CASP9: variants seen among roughly 807,000 people sequenced by gnomAD.
CASP9 encodes the protein caspase-9.
A neutral mutation model predicts 43.5 loss-of-function variants in CASP9; 29 were observed. The observed-to-expected ratio is 0.67, with a 90% CI of 0.50 to 0.91. The LOEUF (loss-of-function observed/expected upper bound fraction) is 0.91. Among genes scored for constraint, CASP9 ranks in the 40% least tolerant of loss-of-function variants. The pLI is 0.00. For synonymous variants in CASP9, 206 were observed against 211.9 expected (o/e 0.97, Z 0.24); for missense variants, 575 against 537.4 (o/e 1.07, Z -0.69).
chr1:15,524,201 G>A lies in CASP9; in HGVS notation c.-1C>T. 1.3e-6 allele frequency: 2 copies of A among 1,543,832 alleles called. No homozygotes were observed. Among genetic ancestry groups the A allele is most frequent in the South Asian group, 2.4e-5 (2 of 84,272 alleles). On this transcript the variant is annotated 5_prime_UTR_variant, in exon 1 of 9. Coordinates refer to ENST00000333868, the MANE Select transcript of CASP9 (RefSeq NM_001229.5). ...GGAGCCGCCGATCCGCTTCGTCCAT[G>A]GCGAGTAGCCAACTAAGACTCCAGG...
rs773523729 is a variant in CASP9, at chr1:15,492,941, C to A, written c.*2G>T. 4 of 1,613,396 alleles carry A rather than the reference C, an allele frequency of 2.5e-6. No homozygotes were observed. Among genetic ancestry groups the A allele is most frequent in the Admixed American group, 3.3e-5 (2 of 59,998 alleles). ...GATAAGGCAGGGTGAGGGGCCCTGG[C>A]CTTATGATGTTTTAAAGAAAAGTTT... On this transcript the variant is annotated 3_prime_UTR_variant, in exon 9 of 9. Coordinates refer to ENST00000333868, the MANE Select transcript of CASP9 (RefSeq NM_001229.5).
intron 8 of CASP9, chr1:15,493,268 G>C: frequency 7.2e-7 from 1 of 1,387,152 alleles, no homozygotes. Flanking sequence ...ATATTTGCAA[G>C]GAGCCAGGAG....
chr1:15,506,050 C>A lies in CASP9; in HGVS notation c.660G>T (p.Ala220=). Residue 220 remains alanine (A), a synonymous_variant, in exon 5 of 9, where the codon GCG becomes GCT. Transcript: ENST00000333868. ...KKMVLALLEL[A]QQDHGALDCC... is the part of the protein sequence containing the mutation. ...AGTCCAGAGCACCGTGGTCCTGCTG[C>A]GCCAGCTCCAGCAAAGCCAGCACCA... 6.2e-7 allele frequency: 1 copy of A among 1,614,032 alleles called. No homozygotes were observed. The highest frequency in any genetic ancestry group is 8.5e-7 in the Non-Finnish European group (1 of 1,179,932).
intron 1 of CASP9, among the ~76,000 whole-genome samples, chr1:15,519,642 GA>G (rs1282775685): frequency 6.6e-6 from 1 of 152,194 alleles, no homozygotes; most frequent in Non-Finnish European, 1.5e-5. Flanking sequence ...ACAAAGCAGA[GA>G]TACAAAGAGA....
chr1:15,495,451 C>T lies in CASP9; in HGVS notation c.870G>A (p.Glu290=). The T allele has an allele frequency of 3.8e-6, 6 of 1,580,878 alleles. No homozygotes were observed. The highest frequency in any genetic ancestry group is 5.2e-6 in the Non-Finnish European group (6 of 1,165,004). ...KLFFIQACGG[E]QKDHGFEVAS... is the part of the protein sequence containing the mutation. ...CCACCTCAAACCCATGGTCTTTCTG[C>T]TCTGCAGGAAGCAGAAACAAACACC... Residue 290 remains glutamate (E), a splice_region_variant and synonymous_variant, in exon 7 of 9, where the codon GAG becomes GAA. Coordinates refer to ENST00000333868, the MANE Select transcript of CASP9 (RefSeq NM_001229.5).
intron 1 of CASP9, among the ~76,000 whole-genome samples, chr1:15,523,576 A>C (rs1403101010): frequency 6.6e-6 from 1 of 152,258 alleles, no homozygotes; most frequent in African/African-American, 2.4e-5. Context: ...TGCAAACATA[A>C]GCAAAATTTA....
intron 3 of CASP9, 36 bp downstream of exon 3, chr1:15,507,837 G>A: frequency 2.5e-6 from 4 of 1,609,146 alleles, no homozygotes; most frequent in Non-Finnish European, 2.6e-6. Flanking sequence ...AGGGCCCAGA[G>A]CCCGAGCTAC....
chr1:15,496,731 T>A (rs142028438), intron 6 of CASP9, among the ~76,000 whole-genome samples: 2 of 152,200 alleles, frequency 1.3e-5, no homozygotes, highest in South Asian at 4.1e-4. Flanking sequence ...CTACAAAACA[T>A]TGCTGAAAGA....
At chr1:15,512,553 G>A (rs1216173517) in intron 2 of CASP9, among the ~76,000 whole-genome samples, 1 of 152,094 alleles carries the variant, frequency 6.6e-6, no homozygotes. Context: ...GACTCAGACT[G>A]GAACTACACC....
chr1:15,511,918 T>A (rs1225779454), intron 2 of CASP9, among the ~76,000 whole-genome samples: 1 of 151,410 alleles, frequency 6.6e-6, no homozygotes. Flanking sequence ...AATTTAGAAA[T>A]CACAGAAGGA....
intron 2 of CASP9, among the ~76,000 whole-genome samples, chr1:15,508,574 G>A (rs534161985): frequency 3.9e-5 from 6 of 152,042 alleles, no homozygotes; most frequent in South Asian, 4.2e-4. Flanking sequence ...CACCATGCCC[G>A]GCTAATTTTT....
chr1:15,506,953 A>G lies in CASP9; in HGVS notation c.576T>C (p.Arg192=), dbSNP rs1467188740. 2 of 1,614,016 alleles carry G rather than the reference A, an allele frequency of 1.2e-6. No homozygotes were observed. The highest frequency in any genetic ancestry group is 2.7e-5 in the African/African-American group (2 of 74,924). The change falls in exon 4 of 9, where the codon CGT becomes CGC. Residue 192 remains arginine (R), a synonymous_variant. Transcript: ENST00000333868. The part of the protein sequence containing the change: ...GSNIDCEKLR[R]RFSSLHFMVE... ...CCATGAAATGCAGCGAGGAGAAGCGACGCCGCAACTTCTCACAGTCGATGT... is the reference window on the plus strand; with the variant it reads ...CCATGAAATGCAGCGAGGAGAAGCGGCGCCGCAACTTCTCACAGTCGATGT...
At chr1:15,493,189 C>A (rs1708957697) in intron 8 of CASP9, 154 bp from the exon 9 acceptor site, 3 of 1,440,730 alleles carry the variant, frequency 2.1e-6, no homozygotes, top group Non-Finnish European at 2.7e-6. Flanking sequence ...AGAATACGCA[C>A]CTCAACTTTA....
chr1:15,508,733 A>G (rs1557545627), intron 2 of CASP9, among the ~76,000 whole-genome samples: 1 of 152,150 alleles, frequency 6.6e-6, no homozygotes, highest in Non-Finnish European at 1.5e-5. Context: ...TTTCTTTTCT[A>G]AAAAAGAGCA....
chr1:15,494,840 G>C (rs2103325287), intron 7 of CASP9, among the ~76,000 whole-genome samples: 1 of 123,820 alleles, frequency 8.1e-6, no homozygotes, highest in Admixed American at 9.4e-5. Context: ...TCCAGCCTGG[G>C]CAACAGAGCG....
intron 6 of CASP9, among the ~76,000 whole-genome samples, chr1:15,501,741 T>C (rs1709338579): frequency 6.6e-6 from 1 of 152,220 alleles, no homozygotes; most frequent in African/African-American, 2.4e-5. Context: ...ATCTACATTA[T>C]GCCAAATTTG....
At chr1:15,510,596 A>G (rs1414374798) in intron 2 of CASP9, among the ~76,000 whole-genome samples, 1 of 152,158 alleles carries the variant, frequency 6.6e-6, no homozygotes, top group African/African-American at 2.4e-5. Context: ...TCAAGAGGCC[A>G]AGGGCTACAG....
chr1:15,497,472 G>A (rs1320920336), intron 6 of CASP9, among the ~76,000 whole-genome samples: 7 of 151,596 alleles, frequency 4.6e-5, no homozygotes, highest in Admixed American at 2.0e-4. Context: ...GTGAAACCCC[G>A]TCTCTACTAA....
chr1:15,493,715 C>T (rs1327728736), intron 8 of CASP9, 177 bp downstream of exon 8: 9 of 1,491,544 alleles, frequency 6.0e-6, no homozygotes, highest in Non-Finnish European at 8.0e-6. Context: ...TCACCACAGG[C>T]AGGATGCCTC....
Sources: allele counts gnomAD v4.1 joint callset (sites outside exome capture counted in the v4.1 genomes callset), GRCh38; gene constraint gnomAD v4.1.1; transcripts MANE v1.5; gene names NCBI Gene and HGNC (gene_info 2026-07-23, HGNC 2026-07-21).